Variants in MEGF11 observed in about 807,000 individuals in gnomAD.
MEGF11 encodes the protein multiple EGF like domains 11, also known as multiple epidermal growth factor-like domains protein 11.
Under a neutral mutation model 146.6 loss-of-function variants are expected in MEGF11, and 126 were observed. The ratio of observed to expected loss-of-function variants is 0.86; its 90% CI spans 0.74 to 1.00. The LOEUF (loss-of-function observed/expected upper bound fraction) is 1.00, where lower values mean the gene tolerates loss of function less well. Among genes scored for constraint, MEGF11 ranks in the 50% least tolerant of loss-of-function variants. MEGF11 has a pLI of 0.00. For missense variants in MEGF11, 1,509 were observed against 1,521.2 expected, an observed-to-expected ratio of 0.99 and a Z score of 0.13; for synonymous variants, 532 against 583.4, an observed-to-expected ratio of 0.91 and a Z score of 1.27.
intron 9 of MEGF11, among the ~76,000 whole-genome samples, chr15:65,958,338 A>G (rs2080732006): frequency 6.6e-6 from 1 of 152,250 alleles, no homozygotes; most frequent in African/African-American, 2.4e-5. Context: ...TTTAGGCTAG[A>G]GAAAGGACCA....
intron 5 of MEGF11, among the ~76,000 whole-genome samples, chr15:66,058,489 G>A (rs1422436548): frequency 6.6e-6 from 1 of 152,152 alleles, no homozygotes; most frequent in Non-Finnish European, 1.5e-5. Flanking sequence ...TCTCTCCAAG[G>A]GGTTGAGAGA....
At chr15:66,150,640 G>A in intron 1 of MEGF11, among the ~76,000 whole-genome samples, 1 of 151,942 alleles carries the variant, frequency 6.6e-6, no homozygotes, top group East Asian at 1.9e-4. Context: ...AAGGAAGGAA[G>A]GAAGGAAGAA....
intron 1 of MEGF11, among the ~76,000 whole-genome samples, chr15:66,216,180 T>A (rs1288209393): frequency 6.6e-6 from 1 of 152,226 alleles, no homozygotes; most frequent in Non-Finnish European, 1.5e-5. Context: ...TTCCCATTGA[T>A]GCTGAGGCAA....
chr15:65,939,248 C>T (rs912467543), intron 10 of MEGF11, among the ~76,000 whole-genome samples: 1 of 152,152 alleles, frequency 6.6e-6, no homozygotes, highest in African/African-American at 2.4e-5. Flanking sequence ...CCTGGCTCAG[C>T]TATCCTTTTG....
At chr15:65,921,387 C>T (rs2079165294) in intron 15 of MEGF11, among the ~76,000 whole-genome samples, 1 of 152,228 alleles carries the variant, frequency 6.6e-6, no homozygotes, top group Non-Finnish European at 1.5e-5. Flanking sequence ...AGCCCCATTT[C>T]CCACCCCCAG....
Position 65,897,112 on chromosome 15 carries a change from GT to G in MEGF11, c.*821del, listed in dbSNP as rs2078372523. On this transcript the variant is annotated 3_prime_UTR_variant, in exon 26 of 26. Coordinates refer to ENST00000395614, the MANE Select transcript of MEGF11 (RefSeq NM_001385028.1). ...GCTTAAAGGATCATCTTAGAGCTCT[GT>G]TTTACATGGAATGATTCAGGTGTCG... The G allele has an allele frequency of 6.6e-6, 1 of 152,164 alleles. No individual in the cohort carries two copies. Among genetic ancestry groups the G allele is most frequent in the Non-Finnish European group, 1.5e-5 (1 of 68,038 alleles). 9.4% of individuals were successfully genotyped at this position (152,164 alleles called of 1,614,324 possible).
In MEGF11 at chr15:65,909,772, C is replaced by T. The variant is rs988373445; in HGVS notation, c.2864G>A (p.Gly955Asp). 9 of 1,585,414 alleles carry T rather than the reference C, an allele frequency of 5.7e-6. No homozygotes were observed. Among genetic ancestry groups the T allele is most frequent in the Non-Finnish European group, 7.7e-6 (9 of 1,173,540 alleles). Residue 955 changes from glycine to aspartate, a missense_variant, in exon 22 of 26, where the codon GGC becomes GAC. Gly to Asp is a moderately conservative substitution (Grantham distance 94, BLOSUM62 -1). Coordinates refer to ENST00000395614, the MANE Select transcript of MEGF11 (RefSeq NM_001385028.1). ...GTTCACATAGCTGTAGGGGGTCCAGCCTGCTGTGTCTCTGTCAAGGGACTT... is the reference window on the plus strand; with the variant it reads ...GTTCACATAGCTGTAGGGGGTCCAGTCTGCTGTGTCTCTGTCAAGGGACTT... ...SNKSLDRDTA[G>D]WTPYSYVNVL...
intron 4 of MEGF11, among the ~76,000 whole-genome samples, chr15:66,097,134 C>T (rs1236759951): frequency 6.6e-6 from 1 of 152,218 alleles, no homozygotes; most frequent in Non-Finnish European, 1.5e-5. Flanking sequence ...GCACTATTTG[C>T]TTGTCAAAAC....
chr15:66,190,173 G>T (rs1280957083), intron 1 of MEGF11, among the ~76,000 whole-genome samples: 2 of 152,174 alleles, frequency 1.3e-5, no homozygotes, highest in Non-Finnish European at 2.9e-5. Context: ...AAGGACTTCT[G>T]CGCTAATCTG....
intron 2 of MEGF11, among the ~76,000 whole-genome samples, chr15:66,125,727 G>A (rs902257491): frequency 7.2e-5 from 11 of 152,210 alleles, no homozygotes; most frequent in African/African-American, 2.2e-4. Context: ...TTCACTTCCC[G>A]TGCTAGGCAC....
At chr15:66,252,439 C>A (rs887940068) in intron 1 of MEGF11, among the ~76,000 whole-genome samples, 5 of 152,204 alleles carry the variant, frequency 3.3e-5, no homozygotes, top group African/African-American at 1.2e-4. Flanking sequence ...TGAAGCGGAG[C>A]CACTTTGAAA....
Position 66,118,939 on chromosome 15 carries a change from T to C in MEGF11, c.301+147A>G, listed in dbSNP as rs188209185. ...CAAACTCATTATTCCTTCTGAGCAC[T>C]GGCAGCAGGCAGGGACTTCTGGAGC... On this transcript the variant is annotated intron_variant, in intron 4 of 25. Transcript: ENST00000395614. The C allele has an allele frequency of 2.1e-4, 127 of 616,178 alleles. No homozygotes were observed. The African/African-American group carries it at 2.2e-3, about 11-fold the overall frequency. The allele number at this position is 616,178 out of a possible 1,614,324, so 38.2% of individuals were successfully genotyped here. A position where few individuals can be genotyped will look rare whatever the true frequency, so the allele number is the denominator to read the frequency against.
chr15:65,913,397 A>G (rs2078878997), intron 20 of MEGF11: 3 of 393,504 alleles, frequency 7.6e-6, no homozygotes, highest in African/African-American at 4.0e-5. Flanking sequence ...TGGTACAGGC[A>G]TCAGGTTGGG....
intron 1 of MEGF11, among the ~76,000 whole-genome samples, chr15:66,178,130 A>G (rs964191597): frequency 6.6e-6 from 1 of 152,168 alleles, no homozygotes; most frequent in Admixed American, 6.5e-5. Flanking sequence ...AGCTGGGACT[A>G]CAGGCTAACC....
rs917500893 is a variant in MEGF11 at position 65,897,495 on chromosome 15, T to A, written c.*439A>T. ...ATTGTCTTCGGTAATAAAACAGATG[T>A]TGATGGTAACAGCAACCAAAAGTAC... On this transcript the variant is annotated 3_prime_UTR_variant, in exon 26 of 26. Transcript: ENST00000395614. 9 of 152,680 alleles carry A rather than the reference T, an allele frequency of 5.9e-5. No homozygotes were observed. Among genetic ancestry groups the A allele is most frequent in the African/African-American group, 1.9e-4 (8 of 41,452 alleles). 9.5% of individuals were successfully genotyped at this position (152,680 alleles called of 1,614,324 possible).
chr15:65,960,148 A>G (rs2080807494), intron 9 of MEGF11, among the ~76,000 whole-genome samples: 1 of 152,232 alleles, frequency 6.6e-6, no homozygotes, highest in Non-Finnish European at 1.5e-5. Context: ...AAATATGAAA[A>G]CGATATAGAC....
chr15:66,043,319 G>T (rs2084062357), intron 5 of MEGF11, among the ~76,000 whole-genome samples: 2 of 152,180 alleles, frequency 1.3e-5, no homozygotes, highest in South Asian at 4.1e-4. Context: ...GGTCCTCTTG[G>T]GCTGAAATCA....
At chr15:66,097,857 G>C (rs530710881) in intron 4 of MEGF11, among the ~76,000 whole-genome samples, 1 of 152,026 alleles carries the variant, frequency 6.6e-6, no homozygotes, top group Non-Finnish European at 1.5e-5. Context: ...AAGCCTGCTC[G>C]CACAGGGTAA....
chr15:66,125,592 T>G (rs920562240), intron 2 of MEGF11, among the ~76,000 whole-genome samples: 3 of 152,222 alleles, frequency 2.0e-5, no homozygotes, highest in Non-Finnish European at 4.4e-5. Context: ...GTGTGGTTAC[T>G]GTGAGGATTA....
Sources: gnomAD v4.1 joint callset for allele counts (sites outside exome capture counted in the v4.1 genomes callset) on GRCh38, gnomAD v4.1.1 for gene constraint, MANE v1.5 for transcripts, NCBI Gene and HGNC (gene_info 2026-07-23, HGNC 2026-07-21) for gene names.